Variants in ZC3H13 observed in about 807,000 individuals in gnomAD.
ZC3H13 encodes zinc finger CCCH domain-containing protein 13.
A neutral mutation model predicts 204.1 loss-of-function variants in ZC3H13; 64 were observed. That is an observed-to-expected ratio of 0.31 (90% CI 0.26 to 0.39). ZC3H13 has a LOEUF of 0.39. Among genes scored for constraint, ZC3H13 ranks in the 10% least tolerant of loss-of-function variants. The probability of loss-of-function intolerance (pLI) is 1.00; values close to 1 mark genes in which losing one functional copy is unlikely to be tolerated. For synonymous variants in ZC3H13, 667 were observed against 693.7 expected (o/e 0.96, Z 0.60); for missense variants, 1,833 against 2,082.7 (o/e 0.88, Z 2.33).
At chr13:46,046,095 T>C (rs1233512414) in intron 1 of ZC3H13, among the ~76,000 whole-genome samples, 1 of 152,128 alleles carries the variant, frequency 6.6e-6, no homozygotes, top group East Asian at 1.9e-4. Flanking sequence ...AACAATCTGA[T>C]CAAGCATATT....
At chr13:45,976,068 C>T (rs1023473756) in intron 11 of ZC3H13, 17 of 839,932 alleles carry the variant, frequency 2.0e-5, no homozygotes, top group South Asian at 5.5e-5. Context: ...TCCTGCTCCC[C>T]GTCAACCCCC....
At chr13:45,999,948 C>A (rs2040162426) in intron 8 of ZC3H13, among the ~76,000 whole-genome samples, 1 of 152,194 alleles carries the variant, frequency 6.6e-6, no homozygotes, top group East Asian at 1.9e-4. Flanking sequence ...CGTAAACAGG[C>A]ACATCATAAA....
At chr13:46,005,586 C>A (rs917651145) in intron 7 of ZC3H13, among the ~76,000 whole-genome samples, 2 of 152,020 alleles carry the variant, frequency 1.3e-5, no homozygotes, top group Non-Finnish European at 2.9e-5. Context: ...ACCCCCAGGG[C>A]TCCAGTGATC....
chr13:45,987,676 A>C (rs9316177), intron 9 of ZC3H13, among the ~76,000 whole-genome samples: 66,662 of 151,974 alleles, frequency 0.44, 15,084 homozygotes, highest in East Asian at 0.54. Context: ...GAGAATACTA[A>C]ATTCAACATG....
intron 17 of ZC3H13, among the ~76,000 whole-genome samples, chr13:45,960,460 T>C (rs1951600349): frequency 6.6e-6 from 1 of 152,156 alleles, no homozygotes; most frequent in Admixed American, 6.5e-5. Context: ...AAGAAAGTGA[T>C]TGTTAGATAA....
chr13:45,977,448 G>A (rs926324638), intron 11 of ZC3H13, among the ~76,000 whole-genome samples: 1 of 152,010 alleles, frequency 6.6e-6, no homozygotes, highest in East Asian at 1.9e-4. Flanking sequence ...TTTCTTCAAA[G>A]GAAAATGGAA....
At chr13:45,961,584 G>A (rs1469470998) in intron 17 of ZC3H13, among the ~76,000 whole-genome samples, 2 of 131,868 alleles carry the variant, frequency 1.5e-5, no homozygotes, top group African/African-American at 5.7e-5. Context: ...GTGGGGGTGG[G>A]GAGTTGGGGG....
At chr13:46,039,188 G>A (rs2043402904) in intron 4 of ZC3H13, among the ~76,000 whole-genome samples, 1 of 152,088 alleles carries the variant, frequency 6.6e-6, no homozygotes, top group Admixed American at 6.6e-5. Flanking sequence ...TTCTCATCTA[G>A]GGAAAGCAAG....
intron 4 of ZC3H13, among the ~76,000 whole-genome samples, chr13:46,036,858 A>G (rs1384516271): frequency 1.3e-5 from 2 of 152,108 alleles, no homozygotes; most frequent in Non-Finnish European, 2.9e-5. Context: ...AGCTGGGATT[A>G]TAGGCATGAG....
At chr13:46,010,255 T>C (rs974749378) in intron 7 of ZC3H13, 93 bp downstream of exon 7, 5 of 1,225,434 alleles carry the variant, frequency 4.1e-6, no homozygotes, top group Non-Finnish European at 5.4e-6. Flanking sequence ...AAATATAAAA[T>C]GTACTAAAAG....
chr13:46,009,311 C>G (rs1283032722), intron 7 of ZC3H13, among the ~76,000 whole-genome samples: 2 of 151,994 alleles, frequency 1.3e-5, no homozygotes, highest in Non-Finnish European at 2.9e-5. Context: ...CTGAGTTTTT[C>G]AATGGTATAA....
At chr13:46,048,488 G>A (rs1232240501) in intron 1 of ZC3H13, among the ~76,000 whole-genome samples, 2 of 150,432 alleles carry the variant, frequency 1.3e-5, no homozygotes, top group African/African-American at 4.9e-5. Context: ...GGCTGAGGCG[G>A]GAGAATGGCG....
At chr13:46,034,254 T>C (rs530784182) in intron 4 of ZC3H13, among the ~76,000 whole-genome samples, 56 of 152,216 alleles carry the variant, frequency 3.7e-4, no homozygotes, top group African/African-American at 1.3e-3. Context: ...TCTTATAAAG[T>C]TAAAAATATA....
intron 5 of ZC3H13, 68 bp downstream of exon 5, chr13:46,020,381 A>G (rs2042152305): frequency 8.6e-7 from 1 of 1,158,330 alleles, no homozygotes; most frequent in South Asian, 1.3e-5. Flanking sequence ...GGTGTTCTGA[A>G]GCCCACGAAA....
At chr13:46,004,140 C>CTGTGTG (rs113622879) in intron 7 of ZC3H13, among the ~76,000 whole-genome samples, 270 of 149,668 alleles carry the variant, frequency 1.8e-3, no homozygotes, top group African/African-American at 5.2e-3. Context: ...AATGGTAACT[C>CTGTGTG]TGTGTGTGTG....
At chr13:46,032,606 T>C (rs1410142662) in intron 4 of ZC3H13, among the ~76,000 whole-genome samples, 2 of 152,194 alleles carry the variant, frequency 1.3e-5, no homozygotes, top group East Asian at 1.9e-4. Flanking sequence ...TAAGATTATG[T>C]AGGCATTTAC....
chr13:46,025,408 G>A (rs2042481763), intron 4 of ZC3H13, among the ~76,000 whole-genome samples: 1 of 152,070 alleles, frequency 6.6e-6, no homozygotes, highest in Non-Finnish European at 1.5e-5. Context: ...TTGGGCTCAA[G>A]CAATCCTCCT....
rs545560720 is a variant in ZC3H13 at position 45,999,461 on chromosome 13, C to T, written c.944+3678G>A. 9.2e-5 allele frequency among the ~76,000 whole-genome samples: 14 copies of T among 152,288 alleles called. No homozygotes were observed. The South Asian group carries it at 2.9e-3, about 32-fold the overall frequency. ...CAGGAGTAGACTCCATCTCAAGAAA[C>T]CACTTTCTTTGTTCATCCATATGAT... On this transcript the variant is annotated intron_variant, in intron 8 of 18. Transcript: ENST00000679008.
In ZC3H13 at chr13:45,988,790, C is replaced by T; in HGVS notation, c.1252G>A (p.Glu418Lys). 6.2e-7 allele frequency: 1 copy of T among 1,611,576 alleles called. No homozygotes were observed. Among genetic ancestry groups the T allele is most frequent in the Non-Finnish European group, 8.5e-7 (1 of 1,178,088 alleles). ...QSHDRRHERREDTRGKRDREK... is the reference protein window; with the variant it reads ...QSHDRRHERRKDTRGKRDREK... ...AAAATCAAAGTACAGTACACACCTTCCCTCCTTTCATGGCGTCGATCATGA... is the reference window on the plus strand; with the variant it reads ...AAAATCAAAGTACAGTACACACCTTTCCTCCTTTCATGGCGTCGATCATGA... The change falls in exon 9 of 19, where the codon GAA becomes AAA. Residue 418 changes from glutamate (E) to lysine (K), a missense_variant. Transcript: ENST00000679008.
Sources: gnomAD v4.1 joint callset for allele counts (sites outside exome capture counted in the v4.1 genomes callset) on GRCh38, gnomAD v4.1.1 for gene constraint, MANE v1.5 for transcripts, NCBI Gene and HGNC (gene_info 2026-07-23, HGNC 2026-07-21) for gene names.